The following PLCG2 variants were observed in gnomAD, a reference collection of about 807,000 sequenced individuals.
The protein encoded by PLCG2 is phospholipase C gamma 2, also known as 1-phosphatidylinositol 4,5-bisphosphate phosphodiesterase gamma-2.
PLCG2 carries 69 observed loss-of-function variants against 175.6 expected under a neutral mutation model. The ratio of observed to expected loss-of-function variants is 0.39; its 90% CI spans 0.32 to 0.48. The LOEUF (loss-of-function observed/expected upper bound fraction) is 0.48. PLCG2 is among the 20% of genes least tolerant of loss of function. PLCG2 has a pLI of 0.91. For synonymous variants in PLCG2, 827 were observed against 624.0 expected (o/e 1.33, Z -4.85); for missense variants, 1,798 against 1,650.9 (o/e 1.09, Z -1.54).
chr16:81,816,962 T>C (rs914031081), intron 2 of PLCG2, among the ~76,000 whole-genome samples: 2 of 152,164 alleles, frequency 1.3e-5, no homozygotes, highest in African/African-American at 2.4e-5. Context: ...TGGGCTTTTT[T>C]TCCTATGCCC....
intron 11 of PLCG2, among the ~76,000 whole-genome samples, chr16:81,892,260 G>C (rs995452207): frequency 6.6e-6 from 1 of 152,204 alleles, no homozygotes; most frequent in African/African-American, 2.4e-5. Context: ...CACCGTGAGA[G>C]CTGTCGGGGA....
chr16:81,850,975 G>A (rs1166339631), intron 2 of PLCG2, among the ~76,000 whole-genome samples: 1 of 152,160 alleles, frequency 6.6e-6, no homozygotes, highest in Non-Finnish European at 1.5e-5. Flanking sequence ...GATTTATAGT[G>A]CAAGGTCTGG....
chr16:81,877,184 G>A (rs896588423), intron 7 of PLCG2, among the ~76,000 whole-genome samples: 1 of 152,244 alleles, frequency 6.6e-6, no homozygotes. Flanking sequence ...GTCGGGCACG[G>A]TGGCTCACGC....
At chr16:81,816,906 C>T (rs138059619) in intron 2 of PLCG2, among the ~76,000 whole-genome samples, 1 of 152,150 alleles carries the variant, frequency 6.6e-6, no homozygotes, top group Non-Finnish European at 1.5e-5. Flanking sequence ...CCTGGGGCCA[C>T]ATCCGGTTCT....
Position 81,895,860 on chromosome 16 carries a change from C to T in PLCG2, c.1126C>T (p.Arg376Trp), listed in dbSNP as rs766133588. The part of the protein sequence containing the change: ...GKPVIYHGWT[R>W]TTKIKFDDVV... ...GCCGGTCATCTACCATGGCTGGACGCGGACTACCAAGATCAAGTTTGACGA... is the reference window on the plus strand; with the variant it reads ...GCCGGTCATCTACCATGGCTGGACGTGGACTACCAAGATCAAGTTTGACGA... The change falls in exon 13 of 33, where the codon CGG becomes TGG. Residue 376 changes from arginine (R) to tryptophan (W), a missense_variant. Arg to Trp is a moderately radical substitution (Grantham distance 101, BLOSUM62 -3). Coordinates refer to ENST00000564138, the MANE Select transcript of PLCG2 (RefSeq NM_002661.5). 1.2e-6 allele frequency: 2 copies of T among 1,614,038 alleles called. No individual in the cohort carries two copies. The highest frequency in any genetic ancestry group is 1.7e-6 in the Non-Finnish European group (2 of 1,179,968).
chr16:81,939,035 C>T (rs1212128129), intron 29 of PLCG2, 120 bp downstream of exon 29: 9 of 649,760 alleles, frequency 1.4e-5, no homozygotes, highest in African/African-American at 9.1e-5. Context: ...TTCTTTCCTC[C>T]CTCTTGCCCA....
intron 2 of PLCG2, among the ~76,000 whole-genome samples, chr16:81,813,687 C>T (rs756962385): frequency 2.6e-5 from 4 of 152,190 alleles, no homozygotes; most frequent in Non-Finnish European, 5.9e-5. Context: ...AGTCCCTTAC[C>T]TGAATATATT....
At chr16:81,890,116 A>G (rs992442799) in intron 10 of PLCG2, among the ~76,000 whole-genome samples, 5 of 152,038 alleles carry the variant, frequency 3.3e-5, no homozygotes, top group African/African-American at 7.3e-5. Flanking sequence ...GCCCGAAAAG[A>G]CGTCTCAAAA....
chr16:81,949,185 T>C (rs1911270753), intron 31 of PLCG2, among the ~76,000 whole-genome samples: 1 of 152,182 alleles, frequency 6.6e-6, no homozygotes, highest in South Asian at 2.1e-4. Context: ...TATGAAAGCA[T>C]GTCCCAAAGG....
At chr16:81,936,051 C>CAAAG (rs1910697190) in intron 26 of PLCG2, 118 bp from the exon 27 acceptor site, 4 of 1,481,404 alleles carry the variant, frequency 2.7e-6, no homozygotes, top group Admixed American at 2.3e-5. Flanking sequence ...CCTTGAATGT[C>CAAAG]AAAGAGGGAG....
chr16:81,817,127 C>G (rs1269269254), intron 2 of PLCG2, among the ~76,000 whole-genome samples: 2 of 152,006 alleles, frequency 1.3e-5, no homozygotes, highest in Non-Finnish European at 2.9e-5. Context: ...GAAGACAAAG[C>G]CCTCTCTTTA....
intron 12 of PLCG2, among the ~76,000 whole-genome samples, chr16:81,895,315 C>G (rs1908832556): frequency 6.6e-6 from 1 of 152,198 alleles, no homozygotes; most frequent in Non-Finnish European, 1.5e-5. Context: ...AATCTCAGCA[C>G]TTTGGGAAGC....
chr16:81,806,152 A>G (rs999771486), intron 2 of PLCG2, among the ~76,000 whole-genome samples: 1 of 152,042 alleles, frequency 6.6e-6, no homozygotes, highest in Non-Finnish European at 1.5e-5. Flanking sequence ...ACACATCTTG[A>G]TTCAGACAGA....
At chr16:81,791,049 G>C (rs1246539304) in intron 2 of PLCG2, among the ~76,000 whole-genome samples, 1 of 152,172 alleles carries the variant, frequency 6.6e-6, no homozygotes, top group Non-Finnish European at 1.5e-5. Context: ...ACCCTGTTTG[G>C]ATGGAATTTT....
intron 2 of PLCG2, among the ~76,000 whole-genome samples, chr16:81,852,965 G>A (rs990404358): frequency 1.3e-5 from 2 of 152,172 alleles, no homozygotes; most frequent in African/African-American, 4.8e-5. Flanking sequence ...GTGGTCTCCA[G>A]GTAGTCTGAC....
chr16:81,749,214 T>G (rs1275361161), intron 1 of PLCG2, among the ~76,000 whole-genome samples: 1 of 152,170 alleles, frequency 6.6e-6, no homozygotes, highest in African/African-American at 2.4e-5. Flanking sequence ...AAGATCCTGT[T>G]CTCTGAACCC....
In PLCG2 at chr16:81,939,932, G is replaced by A; in HGVS notation, c.3354G>A (p.Glu1118=). 1 of 1,614,062 alleles carries A rather than the reference G, an allele frequency of 6.2e-7. No individual in the cohort carries two copies. Among genetic ancestry groups the A allele is most frequent in the South Asian group, 1.1e-5 (1 of 91,084 alleles). ...GCCCTATCTGGGCTCCAACACAGGA[G>A]AAGGTGACATTTGAAATTTATGACC... The part of the protein sequence containing the change: ...GLSPIWAPTQ[E]KVTFEIYDPN... The change falls in exon 30 of 33, where the codon GAG becomes GAA. Residue 1118 remains glutamate, a synonymous_variant. Coordinates refer to ENST00000564138, the MANE Select transcript of PLCG2 (RefSeq NM_002661.5).
At chr16:81,818,156 C>G (rs1294814186) in intron 2 of PLCG2, among the ~76,000 whole-genome samples, 1 of 152,192 alleles carries the variant, frequency 6.6e-6, no homozygotes, top group Non-Finnish European at 1.5e-5. Context: ...GTGTGTTAAG[C>G]TCTTACTCCC....
chr16:81,791,161 C>G (rs1250406814), intron 2 of PLCG2, among the ~76,000 whole-genome samples: 1 of 152,168 alleles, frequency 6.6e-6, no homozygotes, highest in Non-Finnish European at 1.5e-5. Context: ...GGGAGACAGA[C>G]TCAAACTTGC....
Sources: allele counts gnomAD v4.1 joint callset (sites outside exome capture counted in the v4.1 genomes callset), GRCh38; gene constraint gnomAD v4.1.1; transcripts MANE v1.5; gene names NCBI Gene and HGNC (gene_info 2026-07-23, HGNC 2026-07-21).